DHRS12: variants seen among roughly 807,000 people sequenced by gnomAD.
DHRS12 encodes dehydrogenase/reductase 12, also known as dehydrogenase/reductase SDR family member 12.
Under a neutral mutation model 32.1 loss-of-function variants are expected in DHRS12, and 29 were observed. The ratio of observed to expected loss-of-function variants is 0.90; its 90% CI spans 0.67 to 1.23. DHRS12 has a LOEUF of 1.23. Among genes scored for constraint, DHRS12 ranks in the 50% most tolerant of loss-of-function variants. The pLI, the probability that DHRS12 is intolerant of heterozygous loss-of-function variation, is 0.00. For synonymous variants in DHRS12, 150 were observed against 135.9 expected, an observed-to-expected ratio of 1.10 and a Z score of -0.72; for missense variants, 330 against 337.2, an observed-to-expected ratio of 0.98 and a Z score of 0.17.
In DHRS12 at chr13:51,769,216, T is replaced by A. The variant is rs1442118244; in HGVS notation, c.637A>T (p.Met213Leu). Reference protein sequence around the residue: ...LRSEAQGADTMLWLALSSAAA... With the variant: ...LRSEAQGADTLLWLALSSAAA... ...GCAGAGGAGAGGGCCAGCCACAGCA[T>A]GGTGTCCGCGCCCTGGGCCTCGGAG... Residue 213 changes from methionine to leucine, a missense_variant, in exon 8 of 9, where the codon ATG (methionine) becomes TTG (leucine). Met to Leu is a conservative substitution (Grantham distance 15). Transcript: ENST00000444610. 1 of 1,578,732 alleles carries A rather than the reference T, an allele frequency of 6.3e-7. No individual in the cohort carries two copies. Among genetic ancestry groups the A allele is most frequent in the South Asian group, 1.2e-5 (1 of 86,160 alleles).
intron 7 of DHRS12, chr13:51,771,062 G>A (rs1953986622): frequency 1.4e-6 from 2 of 1,435,920 alleles, no homozygotes; most frequent in African/African-American, 2.9e-5. Context: ...GGCCCGGCTG[G>A]GAGGTCTTAG....
At chr13:51,791,285 ACCCTTTT>A in intron 2 of DHRS12, 28 bp from the exon 3 acceptor site, 1 of 1,169,268 alleles carries the variant, frequency 8.6e-7, no homozygotes, top group Non-Finnish European at 1.2e-6. Flanking sequence ...AAAAAAAAAA[ACCCTTTT>A]TAAAAAGATA....
At chr13:51,792,344 G>A (rs933302810) in intron 2 of DHRS12, among the ~76,000 whole-genome samples, 4 of 151,268 alleles carry the variant, frequency 2.6e-5, no homozygotes, top group African/African-American at 9.8e-5. Flanking sequence ...TTTCCCTGAC[G>A]ACTACTGACA....
intron 5 of DHRS12, 118 bp downstream of exon 5, chr13:51,776,942 G>C: frequency 8.9e-7 from 1 of 1,118,524 alleles, no homozygotes; most frequent in Non-Finnish European, 1.3e-6. Context: ...TTGAGGTTTT[G>C]CTGTGGATGT....
chr13:51,781,987 G>A (rs976496668), intron 4 of DHRS12, among the ~76,000 whole-genome samples: 2 of 152,168 alleles, frequency 1.3e-5, no homozygotes, highest in African/African-American at 4.8e-5. Context: ...CAGTGGAGCT[G>A]AAGAGCAGGA....
chr13:51,772,882 G>A, intron 6 of DHRS12: 1 of 985,466 alleles, frequency 1.0e-6, no homozygotes, highest in Non-Finnish European at 1.2e-6. Context: ...GATTTGGTCT[G>A]GGGTCAAGGA....
chr13:51,799,443 C>T, intron 2 of DHRS12, 91 bp downstream of exon 2: 2 of 1,550,568 alleles, frequency 1.3e-6, no homozygotes, highest in Non-Finnish European at 1.7e-6. Flanking sequence ...GACTTCCTGG[C>T]CTGCCTGTGA....
chr13:51,777,632 T>A (rs1954500391), intron 4 of DHRS12, among the ~76,000 whole-genome samples: 1 of 152,162 alleles, frequency 6.6e-6, no homozygotes, highest in African/African-American at 2.4e-5. Flanking sequence ...ACATTTCTAA[T>A]GGAATGAGAA....
At chr13:51,755,703 C>T in the DHRS12 span, among the ~76,000 whole-genome samples, 1 of 152,166 alleles carries the variant, frequency 6.6e-6, no homozygotes, top group Admixed American at 6.5e-5. Context: ...CTGTTGGCCT[C>T]TATTGCAGTG....
At chr13:51,803,734 G>A in intron 1 of DHRS12, 1 of 241,794 alleles carries the variant, frequency 4.1e-6, no homozygotes, top group Non-Finnish European at 7.9e-6. Context: ...ACCCAGCGGG[G>A]CGCCGAGGTG....
the DHRS12 span, among the ~76,000 whole-genome samples, chr13:51,755,069 A>C: frequency 6.6e-6 from 1 of 152,156 alleles, no homozygotes. Flanking sequence ...CTCTCTGCCA[A>C]AGCACTCTGT....
chr13:51,777,216 GC>G lies in DHRS12; in HGVS notation c.302-96del, dbSNP rs889499925. 97 of 1,442,302 alleles carry G rather than the reference GC, an allele frequency of 6.7e-5. No homozygotes were observed. The African/African-American group carries it at 1.2e-3, about 17-fold the overall frequency. The allele number at this position is 1,442,302 out of a possible 1,614,324, so 89.3% of individuals were successfully genotyped here. ...ATGTGGGGACTGTCTGCCCGCACCC[GC>G]CCCCCACAAGAGGGCAAGTGGCCAC... On this transcript the variant is annotated intron_variant, in intron 4 of 8. Transcript: ENST00000444610.
chr13:51,768,485 T>C (rs1384796403), intron 8 of DHRS12, 189 bp from the exon 9 acceptor site: 1 of 1,422,494 alleles, frequency 7.0e-7, no homozygotes, highest in African/African-American at 1.4e-5. Context: ...TAAAGTGCAG[T>C]TTGGGAACTG....
chr13:51,778,424 T>G (rs1031617214), intron 4 of DHRS12, among the ~76,000 whole-genome samples: 2 of 152,234 alleles, frequency 1.3e-5, no homozygotes, highest in African/African-American at 2.4e-5. Flanking sequence ...TGTGGATTTG[T>G]AAAGTCTCCT....
chr13:51,797,895 G>C, intron 2 of DHRS12: 1 of 1,535,944 alleles, frequency 6.5e-7, no homozygotes, highest in Non-Finnish European at 8.7e-7. Flanking sequence ...GACAAACCAG[G>C]TGAACTGTGC....
At chr13:51,799,467 C>T in intron 2 of DHRS12, 67 bp downstream of exon 2, 1 of 1,594,248 alleles carries the variant, frequency 6.3e-7, no homozygotes, top group African/African-American at 1.3e-5. Flanking sequence ...AGGGTGCCCT[C>T]CTCAGTGTGG....
chr13:51,755,116 T>C, the DHRS12 span, among the ~76,000 whole-genome samples: 1 of 152,230 alleles, frequency 6.6e-6, no homozygotes, highest in South Asian at 2.1e-4. Context: ...CTTATGCTTA[T>C]GTAAATAATT....
rs997401975 is a variant in DHRS12 at position 51,768,894 on chromosome 13, C to G, written c.697+262G>C. The G allele has an allele frequency of 3.6e-6, 5 of 1,375,630 alleles. No individual in the cohort carries two copies. In the African/African-American group the frequency reaches 7.5e-5, roughly 21 times the overall value. The allele number at this position is 1,375,630 out of a possible 1,614,324, so 85.2% of individuals were successfully genotyped here. ...AACTGCAGAGAAAATCTTCCATTCC[C>G]AAGGTAGGAACTGCCTCTCCCGTTC... is the stretch of plus-strand genomic sequence containing the variant. On this transcript the variant is annotated intron_variant, in intron 8 of 8. Coordinates refer to ENST00000444610, the MANE Select transcript of DHRS12 (RefSeq NM_001377533.1).
At position 51,774,223 on chromosome 13, in the gene DHRS12, G is replaced by GTACATGTATTCTCCTACAGTATTCTCC. The variant is rs1566278673; in HGVS notation, c.364-216_364-190dup. 6 of 553,636 alleles carry GTACATGTATTCTCCTACAGTATTCTCC rather than the reference G, an allele frequency of 1.1e-5. 2 individuals are homozygous for GTACATGTATTCTCCTACAGTATTCTCC. The highest frequency in any genetic ancestry group is 6.4e-5 in the South Asian group (3 of 46,702). 34.3% of individuals were successfully genotyped at this position (553,636 alleles called of 1,614,324 possible). ...ATTCTCCTACATGTATTCTCCTACA[G>GTACATGTATTCTCCTACAGTATTCTCC]TACATGTATTCTCCTACAGTATTCT... is the stretch of plus-strand genomic sequence containing the variant. On this transcript the variant is annotated intron_variant, in intron 5 of 8. Coordinates refer to ENST00000444610, the MANE Select transcript of DHRS12 (RefSeq NM_001377533.1).
Sources: allele counts gnomAD v4.1 joint callset (sites outside exome capture counted in the v4.1 genomes callset), GRCh38; gene constraint gnomAD v4.1.1; transcripts MANE v1.5; gene names NCBI Gene and HGNC (gene_info 2026-07-23, HGNC 2026-07-21).